Variants in MSI2 observed in about 807,000 individuals in gnomAD.
MSI2 encodes the protein RNA-binding protein Musashi homolog 2.
Under a neutral mutation model 45.6 loss-of-function variants are expected in MSI2, and 17 were observed. The observed-to-expected ratio is 0.37, with a 90% CI of 0.26 to 0.56. MSI2 has a LOEUF of 0.56. MSI2 is among the 20% of genes least tolerant of loss of function. The pLI is 0.77. For missense variants in MSI2, 293 were observed against 444.2 expected (o/e 0.66, Z 3.06); for synonymous variants, 156 against 158.2 (o/e 0.99, Z 0.11).
intron 6 of MSI2, among the ~76,000 whole-genome samples, chr17:57,490,743 T>C (rs1177916486): frequency 6.6e-6 from 1 of 152,208 alleles, no homozygotes; most frequent in African/African-American, 2.4e-5. Context: ...TTTTTTTCTG[T>C]GGGGCACATC....
At chr17:57,394,588 A>G (rs2083855668) in intron 5 of MSI2, among the ~76,000 whole-genome samples, 1 of 152,198 alleles carries the variant, frequency 6.6e-6, no homozygotes, top group African/African-American at 2.4e-5. Flanking sequence ...CCTTACTTTC[A>G]TCATGTGTTT....
rs78883263 is a variant in MSI2, at chr17:57,683,690, T to C, written c.*4173T>C. Reference sequence around the variant, plus strand: ...GGGAGGGGAGATTTTTTTTTTTTTTTCTTGAATGTGCTTCGCAAGCCAGGC... The same window carrying C: ...GGGAGGGGAGATTTTTTTTTTTTTTCCTTGAATGTGCTTCGCAAGCCAGGC... On this transcript the variant is annotated 3_prime_UTR_variant, in exon 14 of 14. Transcript: ENST00000284073. The surrounding 1 kb of genome is among the most constrained non-coding windows in gnomAD (Gnocchi z 5.2). The C allele has an allele frequency of 1.1e-4, 26 of 228,104 alleles. No individual in the cohort carries two copies. Among genetic ancestry groups the C allele is most frequent in the Middle Eastern group, 1.3e-3 (1 of 798 alleles). The allele number at this position is 228,104 out of a possible 1,614,324, so 14.1% of individuals were successfully genotyped here. A position where few individuals can be genotyped will look rare whatever the true frequency, so the allele number is the denominator to read the frequency against.
intron 10 of MSI2, among the ~76,000 whole-genome samples, chr17:57,635,878 G>A (rs770304701): frequency 1.3e-5 from 2 of 152,258 alleles, no homozygotes; most frequent in African/African-American, 4.8e-5. Flanking sequence ...CGATGTGGCC[G>A]ATTGCTGTAC....
intron 6 of MSI2, among the ~76,000 whole-genome samples, chr17:57,453,632 G>A (rs540523101): frequency 1.4e-4 from 22 of 152,250 alleles, no homozygotes; most frequent in African/African-American, 2.2e-4. Flanking sequence ...ACCTTGTGCC[G>A]GGCACGCTTT....
chr17:57,352,833 G>T (rs1222861486), intron 5 of MSI2, among the ~76,000 whole-genome samples: 1 of 152,162 alleles, frequency 6.6e-6, no homozygotes, highest in Non-Finnish European at 1.5e-5. Flanking sequence ...GAAGGAGAAG[G>T]GCTCCTCCTA....
rs116034260 is a variant in MSI2, at chr17:57,336,966, A to T, written c.313-64413A>T. On this transcript the variant is annotated intron_variant, in intron 5 of 13. Transcript: ENST00000284073. Reference sequence around the variant, plus strand: ...GCTGCAGTCATCTGAAGACATGGCCAAGCAGGAGCTTCGCCTTCCGGGATC... The same window carrying T: ...GCTGCAGTCATCTGAAGACATGGCCTAGCAGGAGCTTCGCCTTCCGGGATC... Among the ~76,000 whole-genome samples the T allele has an allele frequency of 6.0e-3, 917 of 152,224 alleles. 8 individuals carry two copies. The highest frequency in any genetic ancestry group is 0.021 in the African/African-American group (874 of 41,528).
chr17:57,492,517 G>A (rs1374576096), intron 6 of MSI2, among the ~76,000 whole-genome samples: 1 of 152,182 alleles, frequency 6.6e-6, no homozygotes, highest in Non-Finnish European at 1.5e-5. Flanking sequence ...AGCTTCAGCA[G>A]CCGCTGAGTA....
chr17:57,479,712 G>A (rs1029150639), intron 6 of MSI2, among the ~76,000 whole-genome samples: 1 of 152,102 alleles, frequency 6.6e-6, no homozygotes, highest in African/African-American at 2.4e-5. Flanking sequence ...GTTCTTCATG[G>A]TGGGCTGTCA....
chr17:57,592,209 T>G (rs1904903757), intron 7 of MSI2, among the ~76,000 whole-genome samples: 1 of 151,580 alleles, frequency 6.6e-6, no homozygotes, highest in Non-Finnish European at 1.5e-5. Flanking sequence ...TAATTTTATG[T>G]TACGTATATT....
At chr17:57,260,403 C>T (rs1311205212) in intron 4 of MSI2, among the ~76,000 whole-genome samples, 1 of 152,106 alleles carries the variant, frequency 6.6e-6, no homozygotes, top group Admixed American at 6.5e-5. Flanking sequence ...TTCATTGCAC[C>T]TTACTTCTTC....
chr17:57,529,462 G>T lies in MSI2; in HGVS notation c.406-214G>T, dbSNP rs1423051518. On this transcript the variant is annotated intron_variant, in intron 6 of 13. Transcript: ENST00000284073. The surrounding 1 kb of genome is among the most constrained non-coding windows in gnomAD (Gnocchi z 5.3). ...AAAAATAAAAAGCAGACACTAAAGG[G>T]AACTATATAAAATGTTAACTGTATA... Among the ~76,000 whole-genome samples, 1 of 151,856 alleles carries T rather than the reference G, an allele frequency of 6.6e-6. No individual in the cohort carries two copies. Among genetic ancestry groups the T allele is most frequent in the African/African-American group, 2.4e-5 (1 of 41,320 alleles).
At chr17:57,592,673 T>C (rs1227725847) in intron 7 of MSI2, among the ~76,000 whole-genome samples, 1 of 152,204 alleles carries the variant, frequency 6.6e-6, no homozygotes, top group Admixed American at 6.5e-5. Flanking sequence ...ATTTTTGTGA[T>C]ACTTGAATTT....
At chr17:57,537,705 A>G (rs957951834) in intron 7 of MSI2, among the ~76,000 whole-genome samples, 8 of 152,098 alleles carry the variant, frequency 5.3e-5, no homozygotes, top group African/African-American at 1.9e-4. Context: ...GTCTCTTGAG[A>G]TATTAATCAA....
At chr17:57,508,096 C>G (rs2086276556) in intron 6 of MSI2, among the ~76,000 whole-genome samples, 1 of 152,036 alleles carries the variant, frequency 6.6e-6, no homozygotes, top group African/African-American at 2.4e-5. Context: ...TTTTAAAACT[C>G]CTGCTGCAGG....
chr17:57,634,238 G>A (rs921178562), intron 10 of MSI2, among the ~76,000 whole-genome samples: 6 of 152,180 alleles, frequency 3.9e-5, no homozygotes, highest in Admixed American at 1.3e-4. Context: ...GGTCGAGGCC[G>A]GTGGATTGCC....
At chr17:57,257,955 C>T (rs1906962230) in intron 3 of MSI2, among the ~76,000 whole-genome samples, 1 of 151,942 alleles carries the variant, frequency 6.6e-6, no homozygotes, top group Non-Finnish European at 1.5e-5. Context: ...GGGCTTTCTT[C>T]GGAATAAAAC....
chr17:57,572,591 T>A (rs1382330800), intron 7 of MSI2, among the ~76,000 whole-genome samples: 1 of 152,344 alleles, frequency 6.6e-6, no homozygotes, highest in East Asian at 1.9e-4. Flanking sequence ...CTCAGGTACC[T>A]CCTGGCACAT....
At chr17:57,442,084 T>G (rs1480849515) in intron 6 of MSI2, among the ~76,000 whole-genome samples, 2 of 150,882 alleles carry the variant, frequency 1.3e-5, no homozygotes, top group Admixed American at 1.3e-4. Flanking sequence ...GTCTCCAGGC[T>G]GGAGTGCAGT....
intron 5 of MSI2, among the ~76,000 whole-genome samples, chr17:57,315,404 C>T (rs1165362626): frequency 6.9e-6 from 1 of 145,632 alleles, no homozygotes; most frequent in Non-Finnish European, 1.5e-5. Flanking sequence ...TTGCTGGCAG[C>T]GTTTCTTGGG....
Sources: gnomAD v4.1 joint callset for allele counts (sites outside exome capture counted in the v4.1 genomes callset) on GRCh38, gnomAD v4.1.1 for gene constraint, Gnocchi (gnomAD v3.1) non-coding constraint, MANE v1.5 for transcripts, NCBI Gene and HGNC (gene_info 2026-07-23, HGNC 2026-07-21) for gene names.